IFTAP: variants seen among roughly 807,000 people sequenced by gnomAD.
IFTAP encodes the protein intraflagellar transport-associated protein.
Under a neutral mutation model 19.4 loss-of-function variants are expected in IFTAP, and 19 were observed. The observed-to-expected ratio is 0.98, with a 90% CI of 0.68 to 1.44. IFTAP has a LOEUF of 1.44. Ranked by LOEUF, IFTAP falls within the 40% of genes most tolerant of loss-of-function variation. The pLI is 0.00. For synonymous variants in IFTAP, 85 were observed against 83.5 expected (o/e 1.02, Z -0.10); for missense variants, 240 against 253.6 (o/e 0.95, Z 0.36).
chr11:36,640,818 A>T (rs998613623), intron 4 of IFTAP, among the ~76,000 whole-genome samples: 6 of 152,190 alleles, frequency 3.9e-5, no homozygotes, highest in African/African-American at 1.4e-4. Context: ...CATTTGGAAG[A>T]TCTACATAAC....
chr11:36,608,564 G>A (rs190796452), intron 1 of IFTAP, among the ~76,000 whole-genome samples: 1 of 152,304 alleles, frequency 6.6e-6, no homozygotes, highest in East Asian at 1.9e-4. Context: ...TTAACAAGGT[G>A]AAATATCATA....
chr11:36,647,792 T>G (rs1853547939), intron 4 of IFTAP, among the ~76,000 whole-genome samples: 1 of 152,094 alleles, frequency 6.6e-6, no homozygotes, highest in Non-Finnish European at 1.5e-5. Context: ...GGGGGGACTC[T>G]TACGTTTGCA....
intron 4 of IFTAP, among the ~76,000 whole-genome samples, chr11:36,642,891 A>T (rs1049255351): frequency 5.3e-5 from 8 of 152,338 alleles, no homozygotes; most frequent in Admixed American, 1.3e-4. Context: ...ACAAACCCAC[A>T]GCCAATATCA....
intron 1 of IFTAP, among the ~76,000 whole-genome samples, chr11:36,604,146 T>G (rs1300806159): frequency 6.6e-6 from 1 of 152,196 alleles, no homozygotes; most frequent in African/African-American, 2.4e-5. Context: ...TACTGCTGCA[T>G]GGAACGCAAT....
intron 1 of IFTAP, among the ~76,000 whole-genome samples, chr11:36,598,634 G>T (rs1851383854): frequency 6.6e-6 from 1 of 152,214 alleles, no homozygotes; most frequent in Non-Finnish European, 1.5e-5. Context: ...TCAGAAGGAA[G>T]GAGTTGTAAT....
chr11:36,630,623 G>A (rs1190662576), intron 2 of IFTAP, among the ~76,000 whole-genome samples: 2 of 151,372 alleles, frequency 1.3e-5, no homozygotes, highest in Non-Finnish European at 2.9e-5. Flanking sequence ...ATAGTAGAGA[G>A]TACACTGAGT....
intron 2 of IFTAP, among the ~76,000 whole-genome samples, chr11:36,623,209 T>A (rs1335732364): frequency 6.6e-6 from 1 of 152,124 alleles, no homozygotes; most frequent in African/African-American, 2.4e-5. Flanking sequence ...AAACTTTGAC[T>A]TTCAGACCAG....
rs757583767 is a variant in IFTAP, at chr11:36,610,236, C to T, written c.133C>T (p.Gln45Ter). 12 of 1,604,534 alleles carry T rather than the reference C, an allele frequency of 7.5e-6. No homozygotes were observed. Among genetic ancestry groups the T allele is most frequent in the African/African-American group, 1.3e-5 (1 of 74,504 alleles). Reference sequence around the variant, plus strand: ...TCTGAACACTTTTACTCATCTTTCACAAGGTAAAATGGAGAAGTAAACTTT... The same window carrying T: ...TCTGAACACTTTTACTCATCTTTCATAAGGTAAAATGGAGAAGTAAACTTT... ...EFLNTFTHLS[Q>*]EDHVSKRGVF... is the part of the protein sequence containing the mutation. Residue 45 changes from glutamine to a stop codon, truncating the protein, a stop_gained, in exon 2 of 6, where the codon CAA becomes TAA. Coordinates refer to ENST00000334307, the MANE Select transcript of IFTAP (RefSeq NM_138787.4). LOFTEE classifies it high-confidence loss of function.
chr11:36,651,237 T>C (rs1225300400), intron 5 of IFTAP, among the ~76,000 whole-genome samples: 2 of 152,340 alleles, frequency 1.3e-5, no homozygotes, highest in East Asian at 3.9e-4. Context: ...GACTTTTTAA[T>C]GATCACCATT....
At chr11:36,648,859 A>G (rs1243932137) in intron 5 of IFTAP, among the ~76,000 whole-genome samples, 1 of 152,156 alleles carries the variant, frequency 6.6e-6, no homozygotes, top group Non-Finnish European at 1.5e-5. Context: ...CATACTGGCC[A>G]CAGGGGAGGC....
intron 2 of IFTAP, among the ~76,000 whole-genome samples, chr11:36,613,023 G>A (rs1851931904): frequency 6.6e-6 from 1 of 151,994 alleles, no homozygotes; most frequent in Middle Eastern, 3.2e-3. Flanking sequence ...TAAAGACAAT[G>A]TTCTATCAAA....
rs888976370 is a variant in IFTAP, at chr11:36,632,434, T to G, written c.137-850T>G. On this transcript the variant is annotated intron_variant, in intron 2 of 5. Transcript: ENST00000334307. Reference sequence around the variant, plus strand: ...CTACGATTTCAACTGGCACTTCAAATGCAATATGGCCAAAGCTGAATTCAT... The same window carrying G: ...CTACGATTTCAACTGGCACTTCAAAGGCAATATGGCCAAAGCTGAATTCAT... 9.9e-5 allele frequency among the ~76,000 whole-genome samples: 15 copies of G among 151,156 alleles called. 2 individuals are homozygous for G. The highest frequency in any genetic ancestry group is 5.8e-4 in the East Asian group (3 of 5,192).
intron 5 of IFTAP, 141 bp from the exon 6 acceptor site, chr11:36,658,873 TCTTTA>T (rs1854103790): frequency 3.6e-6 from 2 of 551,224 alleles, no homozygotes; most frequent in Admixed American, 7.6e-5. Context: ...TAAATTTATT[TCTTTA>T]CTTAAAAACA....
intron 2 of IFTAP, among the ~76,000 whole-genome samples, chr11:36,613,273 G>A (rs112404868): frequency 9.2e-5 from 14 of 151,972 alleles, no homozygotes; most frequent in African/African-American, 3.4e-4. Context: ...CTAATTTATA[G>A]GACTTTCTAG....
chr11:36,625,696 A>G (rs1852482994), intron 2 of IFTAP, among the ~76,000 whole-genome samples: 1 of 152,228 alleles, frequency 6.6e-6, no homozygotes, highest in Non-Finnish European at 1.5e-5. Flanking sequence ...CACAAAGATC[A>G]TTGCCTTCAG....
At chr11:36,605,672 G>A (rs1590737137) in intron 1 of IFTAP, among the ~76,000 whole-genome samples, 1 of 152,322 alleles carries the variant, frequency 6.6e-6, no homozygotes, top group East Asian at 1.9e-4. Context: ...GTCTTCAAGT[G>A]AAGTGTAGTA....
intron 5 of IFTAP, among the ~76,000 whole-genome samples, chr11:36,650,598 G>A (rs549449145): frequency 4.0e-5 from 6 of 149,594 alleles, no homozygotes; most frequent in Middle Eastern, 3.4e-3. Context: ...AAGTTCTAGG[G>A]TACATGTGCA....
At chr11:36,619,144 C>T (rs181479279) in intron 2 of IFTAP, among the ~76,000 whole-genome samples, 27 of 151,826 alleles carry the variant, frequency 1.8e-4, no homozygotes, top group African/African-American at 5.8e-4. Flanking sequence ...ATTGAGCGTT[C>T]GTTCTGTCAA....
At chr11:36,630,775 T>C (rs938479929) in intron 2 of IFTAP, among the ~76,000 whole-genome samples, 1 of 151,328 alleles carries the variant, frequency 6.6e-6, no homozygotes, top group African/African-American at 2.5e-5. Flanking sequence ...ATTACTAGAT[T>C]TAGGTTATAC....
Sources: allele counts gnomAD v4.1 joint callset (sites outside exome capture counted in the v4.1 genomes callset), GRCh38; gene constraint gnomAD v4.1.1; transcripts MANE v1.5; gene names NCBI Gene and HGNC (gene_info 2026-07-23, HGNC 2026-07-21).